Variants in CLASP1 observed in about 807,000 individuals in gnomAD.
The protein encoded by CLASP1 is CLIP-associating protein 1.
In CLASP1, 38 loss-of-function variants were observed where a neutral mutation model predicts 192.3. The observed-to-expected ratio is 0.20, with a 90% CI of 0.15 to 0.26. The LOEUF (loss-of-function observed/expected upper bound fraction) is 0.26, where lower values mean the gene tolerates loss of function less well. Among genes scored for constraint, CLASP1 ranks in the 10% least tolerant of loss-of-function variants. The pLI is 1.00. For synonymous variants in CLASP1, 691 were observed against 712.8 expected (o/e 0.97, Z 0.49); for missense variants, 1,433 against 1,932.5 (o/e 0.74, Z 4.85).
chr2:121,571,293 G>T (rs994623679), intron 2 of CLASP1, among the ~76,000 whole-genome samples: 18 of 151,744 alleles, frequency 1.2e-4, no homozygotes, highest in Admixed American at 6.6e-5. Flanking sequence ...CTCCCACCTC[G>T]GCCTCCCAAG....
In CLASP1 at chr2:121,607,049, C is replaced by G. The variant is rs547301605; in HGVS notation, c.-285-869G>C. On this transcript the variant is annotated intron_variant, in intron 1 of 39. Transcript: ENST00000263710. ...CCAGCCTGGGCGACAGAGTGCAACT[C>G]CGTCAAAAAAGGCCGGGTACGGTGG... 4.0e-3 allele frequency among the ~76,000 whole-genome samples: 602 copies of G among 151,570 alleles called. 3 individuals carry two copies. Among genetic ancestry groups the G allele is most frequent in the African/African-American group, 0.013 (535 of 41,296 alleles).
intron 8 of CLASP1, among the ~76,000 whole-genome samples, chr2:121,472,229 C>G (rs572034514): frequency 1.3e-5 from 2 of 152,230 alleles, no homozygotes; most frequent in South Asian, 4.1e-4. Context: ...TACTCAGTTG[C>G]CAAGAATTAT....
intron 9 of CLASP1, among the ~76,000 whole-genome samples, chr2:121,467,292 C>G (rs2089794339): frequency 6.6e-6 from 1 of 152,124 alleles, no homozygotes; most frequent in South Asian, 2.1e-4. Context: ...ATCTTTATAA[C>G]AGAATGATTT....
In CLASP1 at chr2:121,397,285, TG is replaced by T. The variant is rs2075434543; in HGVS notation, c.2980-3del. The T allele has an allele frequency of 6.2e-7, 1 of 1,612,380 alleles. No homozygotes were observed. Among genetic ancestry groups the T allele is most frequent in the Non-Finnish European group, 8.5e-7 (1 of 1,178,618 alleles). ...GTATTTCAGGATTGCAACTTTGACC[TG>T]AAAGAACCAATAATTATAAACATTA... On this transcript the variant is annotated splice_region_variant and splice_polypyrimidine_tract_variant and intron_variant, in intron 29 of 39. Transcript: ENST00000263710.
At chr2:121,352,109 G>A (rs1038173362) in intron 37 of CLASP1, among the ~76,000 whole-genome samples, 13 of 152,206 alleles carry the variant, frequency 8.5e-5, no homozygotes, top group African/African-American at 3.1e-4. Context: ...AGATGGCAGG[G>A]ACCTGCTACC....
intron 28 of CLASP1, among the ~76,000 whole-genome samples, chr2:121,401,072 C>A (rs1003658598): frequency 7.2e-5 from 11 of 152,172 alleles, no homozygotes; most frequent in African/African-American, 2.7e-4. Context: ...AATCTCTAGC[C>A]AGTGTACTAT....
chr2:121,460,739 A>G (rs1269893936), intron 11 of CLASP1, among the ~76,000 whole-genome samples: 1 of 152,176 alleles, frequency 6.6e-6, no homozygotes, highest in Non-Finnish European at 1.5e-5. Context: ...CTAGCAAGTG[A>G]TAAGAAGAAA....
At chr2:121,484,724 G>C (rs112737325) in intron 8 of CLASP1, among the ~76,000 whole-genome samples, 2 of 152,174 alleles carry the variant, frequency 1.3e-5, no homozygotes, top group Non-Finnish European at 2.9e-5. Flanking sequence ...GAATGAGAGA[G>C]AACAGATTCT....
exon 40 of CLASP1, chr2:121,340,390 T>C (rs1045829788): frequency 6.4e-6 from 1 of 155,172 alleles, no homozygotes; most frequent in African/African-American, 2.4e-5. Context: ...ATATCACCTT[T>C]CGTGGTGTCA....
chr2:121,441,353 C>T (rs1378528528), intron 19 of CLASP1, among the ~76,000 whole-genome samples: 1 of 152,210 alleles, frequency 6.6e-6, no homozygotes. Flanking sequence ...TTTACTCATA[C>T]ACTGACATCT....
chr2:121,565,372 G>A (rs189816474), intron 2 of CLASP1, among the ~76,000 whole-genome samples: 274 of 152,284 alleles, frequency 1.8e-3, no homozygotes, highest in African/African-American at 5.7e-3. Context: ...AAAAGCAATC[G>A]GTATAGTATT....
In CLASP1 at chr2:121,430,312, C is replaced by A. The variant is rs1409383504; in HGVS notation, c.1913-135G>T. ...GGAGCAACAGCTTCTGTGAGCAGAT[C>A]CTCCACACGAGGTCTGCCACGTCTC... On this transcript the variant is annotated intron_variant, in intron 19 of 39. Transcript: ENST00000263710. 3 of 639,660 alleles carry A rather than the reference C, an allele frequency of 4.7e-6. No homozygotes were observed. The African/African-American group carries it at 5.5e-5, about 12-fold the overall frequency. 39.6% of individuals were successfully genotyped at this position (639,660 alleles called of 1,614,324 possible). A position where few individuals can be genotyped will look rare whatever the true frequency, so the allele number is the denominator to read the frequency against.
chr2:121,627,352 A>G (rs1297605317), intron 1 of CLASP1, among the ~76,000 whole-genome samples: 1 of 152,250 alleles, frequency 6.6e-6, no homozygotes, highest in Non-Finnish European at 1.5e-5. Flanking sequence ...TCTTGGTTCC[A>G]GTTTCCTAAG....
chr2:121,549,744 G>A (rs1266513139), intron 2 of CLASP1, among the ~76,000 whole-genome samples: 7 of 148,758 alleles, frequency 4.7e-5, no homozygotes, highest in African/African-American at 7.5e-5. Context: ...GGTGGCTCAC[G>A]CCTGTAATCC....
At chr2:121,614,584 G>A (rs193280669) in intron 1 of CLASP1, among the ~76,000 whole-genome samples, 5 of 152,290 alleles carry the variant, frequency 3.3e-5, no homozygotes, top group East Asian at 1.9e-4. Flanking sequence ...ATACTGTGAC[G>A]TGTTTTTCAA....
intron 2 of CLASP1, among the ~76,000 whole-genome samples, chr2:121,596,282 A>C (rs150113196): frequency 6.6e-6 from 1 of 152,294 alleles, no homozygotes; most frequent in East Asian, 1.9e-4. Context: ...AAACCATGGA[A>C]ATTCACCTCC....
intron 2 of CLASP1, among the ~76,000 whole-genome samples, chr2:121,572,624 T>C (rs2060084961): frequency 6.6e-6 from 1 of 151,992 alleles, no homozygotes; most frequent in Non-Finnish European, 1.5e-5. Context: ...CCGAGGGCAG[T>C]GGCTCACGCA....
intron 35 of CLASP1, among the ~76,000 whole-genome samples, chr2:121,366,571 A>G (rs2067455511): frequency 6.6e-6 from 1 of 152,210 alleles, no homozygotes; most frequent in South Asian, 2.1e-4. Flanking sequence ...GACCACTATC[A>G]GTCTGCTCCC....
chr2:121,404,207 T>G, intron 26 of CLASP1, 164 bp downstream of exon 27: 1 of 880,938 alleles, frequency 1.1e-6, no homozygotes, highest in Non-Finnish European at 1.4e-6. Context: ...TTTCCAAGAA[T>G]TCTGTTTTTA....
Sources: gnomAD v4.1 joint callset for allele counts (sites outside exome capture counted in the v4.1 genomes callset) on GRCh38, gnomAD v4.1.1 for gene constraint, MANE v1.5 for transcripts, NCBI Gene and HGNC (gene_info 2026-07-23, HGNC 2026-07-21) for gene names.